The following CASZ1 variants were observed in gnomAD, a reference collection of about 807,000 sequenced individuals.
CASZ1 encodes the protein zinc finger protein castor homolog 1.
CASZ1 carries 28 observed loss-of-function variants against 135.2 expected under a neutral mutation model. That is an observed-to-expected ratio of 0.21 (90% CI 0.15 to 0.28). The LOEUF is 0.28. Among genes scored for constraint, CASZ1 ranks in the 10% least tolerant of loss-of-function variants. The pLI, the probability that CASZ1 is intolerant of heterozygous loss-of-function variation, is 1.00. For missense variants in CASZ1, 2,161 were observed against 2,453.3 expected (o/e 0.88, Z 2.52); for synonymous variants, 1,068 against 1,073.4 (o/e 0.99, Z 0.10).
At chr1:10,763,505 A>C (rs1174957781) in intron 1 of CASZ1, among the ~76,000 whole-genome samples, 2 of 152,198 alleles carry the variant, frequency 1.3e-5, no homozygotes, top group Non-Finnish European at 2.9e-5. Flanking sequence ...AGAAATGCCC[A>C]GAATCACCAC....
intron 4 of CASZ1, among the ~76,000 whole-genome samples, chr1:10,684,674 C>T (rs748120736): frequency 3.9e-5 from 6 of 152,178 alleles, no homozygotes; most frequent in Non-Finnish European, 5.9e-5. Context: ...GTCATCCTAT[C>T]GCGAGACACC....
rs750535732 is a variant in CASZ1, at chr1:10,660,421, C to G, written c.621G>C (p.Glu207Asp). 1.9e-6 allele frequency: 3 copies of G among 1,614,182 alleles called. No individual in the cohort carries two copies. The highest frequency in any genetic ancestry group is 2.5e-6 in the Non-Finnish European group (3 of 1,180,014). The change falls in exon 6 of 21, where the codon GAG becomes GAC. Residue 207 changes from glutamate to aspartate, a missense_variant. Glu to Asp is a conservative substitution (Grantham distance 45). This residue lies in a region of CASZ1 where 590 missense variants were observed against 609.8 expected (regional missense o/e 0.97). Coordinates refer to ENST00000377022, the MANE Select transcript of CASZ1 (RefSeq NM_001079843.3). Reference sequence around the variant, plus strand: ...CCGGGGTGGAGCCCGCGTGCAGCTTCTCAAAGCTGATCTTCCTGGCCAGCT... The same window carrying G: ...CCGGGGTGGAGCCCGCGTGCAGCTTGTCAAAGCTGATCTTCCTGGCCAGCT... ...RDELARKISF[E>D]KLHAGSTPEA...
chr1:10,639,000 G>A lies in CASZ1; in HGVS notation c.5222C>T (p.Ala1741Val). Residue 1741 changes from alanine (A) to valine (V), a missense_variant, in exon 21 of 21, where the codon GCG (alanine) becomes GTG (valine). Ala to Val is a moderately conservative substitution (Grantham distance 64). Coordinates refer to ENST00000377022, the MANE Select transcript of CASZ1 (RefSeq NM_001079843.3). This position sits in a 1 kb window ranked among gnomAD's most constrained non-coding sequence, Gnocchi z 5.9. ...AGAGARTPAL[A>V]ALAALGAPGP... ...GGGGGCGCCCAGGGCCGCCAGCGCC[G>A]CCAAGGCCGGGGTCCGCGCGCCCGC... The A allele has an allele frequency of 4.1e-6, 4 of 983,954 alleles. No individual in the cohort carries two copies. The highest frequency in any genetic ancestry group is 4.8e-6 in the Non-Finnish European group (4 of 830,174). 61.0% of individuals were successfully genotyped at this position (983,954 alleles called of 1,614,324 possible). A position where few individuals can be genotyped will look rare whatever the true frequency, so the allele number is the denominator to read the frequency against.
rs1046580915 is a variant in CASZ1 at position 10,767,170 on chromosome 1, C to T, written c.-233-6313G>A. Among the ~76,000 whole-genome samples, 7 of 151,766 alleles carry T rather than the reference C, an allele frequency of 4.6e-5. No homozygotes were observed. The highest frequency in any genetic ancestry group is 9.7e-5 in the African/African-American group (4 of 41,280). On this transcript the variant is annotated intron_variant, in intron 1 of 20. Transcript: ENST00000377022. This position sits in a 1 kb window ranked among gnomAD's most constrained non-coding sequence, Gnocchi z 4.2. ...CCTCATGAGTTCCTGATGGGAGGAA[C>T]GAGGAGTGGGGAAAAGATGGGGCCC... is the stretch of plus-strand genomic sequence containing the variant.
rs1642394844 is a variant in CASZ1 at position 10,647,431 on chromosome 1, C to T, written c.3497+370G>A. 1.3e-5 allele frequency: 15 copies of T among 1,150,576 alleles called. No individual in the cohort carries two copies. Among genetic ancestry groups the T allele is most frequent in the Non-Finnish European group, 1.6e-5 (15 of 928,266 alleles). 71.3% of individuals were successfully genotyped at this position (1,150,576 alleles called of 1,614,324 possible). A position where few individuals can be genotyped will look rare whatever the true frequency, so the allele number is the denominator to read the frequency against. ...CAGAGATTCAGCCATGGGTGTGAGC[C>T]ACAGAGGAGGCCAATACGGAGGCTC... is the stretch of plus-strand genomic sequence containing the variant. On this transcript the variant is annotated intron_variant, in intron 16 of 20. Transcript: ENST00000377022. This position sits in a 1 kb window ranked among gnomAD's most constrained non-coding sequence, Gnocchi z 4.9.
At chr1:10,643,419 C>T in intron 18 of CASZ1, 108 bp from the exon 19 acceptor site, 6 of 1,208,060 alleles carry the variant, frequency 5.0e-6, no homozygotes, top group Non-Finnish European at 7.0e-6. Flanking sequence ...GTCAGTAAGG[C>T]AGATGGTATC....
intron 2 of CASZ1, among the ~76,000 whole-genome samples, chr1:10,716,164 C>G (rs1238236494): frequency 2.0e-5 from 3 of 150,558 alleles, no homozygotes; most frequent in Non-Finnish European, 4.4e-5. Context: ...AATCCACAAC[C>G]CACAGCACCC....
intron 1 of CASZ1, among the ~76,000 whole-genome samples, chr1:10,775,633 A>G (rs967082005): frequency 1.3e-5 from 2 of 152,092 alleles, no homozygotes; most frequent in African/African-American, 4.8e-5. Context: ...GCCCCTTTCA[A>G]GGGGACGGGT....
intron 15 of CASZ1, 116 bp from the exon 16 acceptor site, chr1:10,648,255 C>T: frequency 1.4e-6 from 1 of 735,756 alleles, no homozygotes; most frequent in Non-Finnish European, 2.2e-6. Context: ...TCGTCCCCAT[C>T]ACTCAGCTCC....
At chr1:10,663,769 C>G (rs1454153292) in intron 5 of CASZ1, among the ~76,000 whole-genome samples, 1 of 152,228 alleles carries the variant, frequency 6.6e-6, no homozygotes, top group Non-Finnish European at 1.5e-5. Flanking sequence ...GCTGAGTAGG[C>G]AGTCCCAGTG....
chr1:10,794,230 G>T lies in CASZ1; in HGVS notation c.-234+2334C>A, dbSNP rs942877291. Among the ~76,000 whole-genome samples, 1 of 152,006 alleles carries T rather than the reference G, an allele frequency of 6.6e-6. No individual in the cohort carries two copies. Among genetic ancestry groups the T allele is most frequent in the East Asian group, 1.9e-4 (1 of 5,156 alleles). Reference sequence around the variant, plus strand: ...GCGCGCGCGTCGTGGGTTGGGCGGGGGGACACCAAGATTATCCGGCGATCT... The same window carrying T: ...GCGCGCGCGTCGTGGGTTGGGCGGGTGGACACCAAGATTATCCGGCGATCT... On this transcript the variant is annotated intron_variant, in intron 1 of 20. Transcript: ENST00000377022. This position sits in a 1 kb window ranked among gnomAD's most constrained non-coding sequence, Gnocchi z 5.6.
rs1470447236 is a variant in CASZ1, at chr1:10,788,261, G to C, written c.-234+8303C>G. Among the ~76,000 whole-genome samples the C allele has an allele frequency of 6.6e-6, 1 of 152,148 alleles. No homozygotes were observed. The highest frequency in any genetic ancestry group is 1.5e-5 in the Non-Finnish European group (1 of 68,032). ...TGGGGTTCCTCACAGAGCAACCTGA[G>C]TGCTAGCCCCGATCCACCTATGGGG... On this transcript the variant is annotated intron_variant, in intron 1 of 20. Transcript: ENST00000377022. The surrounding 1 kb of genome is among the most constrained non-coding windows in gnomAD (Gnocchi z 4.1).
chr1:10,640,464 T>C (rs1642164943), intron 20 of CASZ1, among the ~76,000 whole-genome samples: 1 of 152,190 alleles, frequency 6.6e-6, no homozygotes, highest in African/African-American at 2.4e-5. Flanking sequence ...ACGCCAGCTA[T>C]AGCTGCCTCT....
rs528469854 is a variant in CASZ1, at chr1:10,639,110, C to G, written c.5112G>C (p.Glu1704Asp). ...CGTCGTCGTCGTCCTCGTCGTCGTC[C>G]TCGTCGTCGTCGTCCTCGTCGTCGT... ...DEDDDEDDDDEDDDEDDDDED... is the reference protein window; with the variant it reads ...DEDDDEDDDDDDDDEDDDDED... The change falls in exon 21 of 21, where the codon GAG becomes GAC. Residue 1704 changes from glutamate (E) to aspartate (D), a missense_variant. Glu to Asp is a conservative substitution (Grantham distance 45, BLOSUM62 2). This residue lies in a region of CASZ1 where 185 missense variants were observed against 134.7 expected (regional missense o/e 1.37). Coordinates refer to ENST00000377022, the MANE Select transcript of CASZ1 (RefSeq NM_001079843.3). This position sits in a 1 kb window ranked among gnomAD's most constrained non-coding sequence, Gnocchi z 4.0. 6 of 1,149,654 alleles carry G rather than the reference C, an allele frequency of 5.2e-6. No individual in the cohort carries two copies. In the South Asian group the frequency reaches 6.2e-5, roughly 12 times the overall value. The allele number at this position is 1,149,654 out of a possible 1,614,324, so 71.2% of individuals were successfully genotyped here.
In CASZ1 at chr1:10,660,093, G is replaced by C. The variant is rs754613198; in HGVS notation, c.949C>G (p.Gln317Glu). ...ARASKYDFFI[Q>E]KLKTGENLRP... ...AGATTCTCGCCGGTCTTCAGTTTTT[G>C]GATGAAGAAGTCGTACTTGGAGGCC... Residue 317 changes from glutamine (Q) to glutamate (E), a missense_variant, in exon 6 of 21, where the codon CAA becomes GAA. Physicochemically the swap from Gln to Glu is conservative, Grantham distance 29 (BLOSUM62 2). Around this residue, in one of 7 missense-constraint regions of CASZ1, gnomAD observed 590 missense variants for 609.8 expected, o/e 0.97. Transcript: ENST00000377022. 1 of 1,614,152 alleles carries C rather than the reference G, an allele frequency of 6.2e-7. No individual in the cohort carries two copies. Among genetic ancestry groups the C allele is most frequent in the South Asian group, 1.1e-5 (1 of 91,082 alleles).
rs1295470801 is a variant in CASZ1 at position 10,726,815 on chromosome 1, C to A, written c.-76-21271G>T. Among the ~76,000 whole-genome samples, 3 of 152,122 alleles carry A rather than the reference C, an allele frequency of 2.0e-5. No individual in the cohort carries two copies. The highest frequency in any genetic ancestry group is 4.4e-5 in the Non-Finnish European group (3 of 68,004). On this transcript the variant is annotated intron_variant, in intron 2 of 20. Transcript: ENST00000377022. The surrounding 1 kb of genome is among the most constrained non-coding windows in gnomAD (Gnocchi z 5.7). Reference sequence around the variant, plus strand: ...GCCCTGAAGAGAGGCCAGGGAGAGGCTAGCATGGGGGTGTTCAGAGGCCCA... The same window carrying A: ...GCCCTGAAGAGAGGCCAGGGAGAGGATAGCATGGGGGTGTTCAGAGGCCCA...
Position 10,639,712 on chromosome 1 carries a change from C to A in CASZ1, c.4510G>T (p.Ala1504Ser). Residue 1504 changes from alanine to serine, a missense_variant, in exon 21 of 21, where the codon GCC becomes TCC. Ala to Ser is a moderately conservative substitution (Grantham distance 99). Coordinates refer to ENST00000377022, the MANE Select transcript of CASZ1 (RefSeq NM_001079843.3). This position sits in a 1 kb window ranked among gnomAD's most constrained non-coding sequence, Gnocchi z 4.0. Reference sequence around the variant, plus strand: ...CTGGTGCCCGAGAAGGGGCAGTCGGCGAAGTGGCAGCTGAGTGAGGCCTTG... The same window carrying A: ...CTGGTGCCCGAGAAGGGGCAGTCGGAGAAGTGGCAGCTGAGTGAGGCCTTG... ...RFKASLSCHF[A>S]DCPFSGTSTH... 6.3e-7 allele frequency: 1 copy of A among 1,593,256 alleles called. No individual in the cohort carries two copies. Among genetic ancestry groups the A allele is most frequent in the Non-Finnish European group, 8.5e-7 (1 of 1,170,970 alleles).
In CASZ1 at chr1:10,727,457, G is replaced by A. The variant is rs1230695789; in HGVS notation, c.-76-21913C>T. On this transcript the variant is annotated intron_variant, in intron 2 of 20. Coordinates refer to ENST00000377022, the MANE Select transcript of CASZ1 (RefSeq NM_001079843.3). This position sits in a 1 kb window ranked among gnomAD's most constrained non-coding sequence, Gnocchi z 5.3. ...AAACACCCCAGCTCCTTGAACCCCCGGGCCCAGGGGATTCAGCACAGCCCA... is the reference window on the plus strand; with the variant it reads ...AAACACCCCAGCTCCTTGAACCCCCAGGCCCAGGGGATTCAGCACAGCCCA... 4.6e-5 allele frequency among the ~76,000 whole-genome samples: 7 copies of A among 150,838 alleles called. No individual in the cohort carries two copies. The highest frequency in any genetic ancestry group is 7.0e-3 in the Middle Eastern group (2 of 284).
In CASZ1 at chr1:10,645,626, C is replaced by T. The variant is rs554455265; in HGVS notation, c.3696+502G>A. Among the ~76,000 whole-genome samples the T allele has an allele frequency of 4.6e-5, 7 of 152,308 alleles. No homozygotes were observed. In the East Asian group the frequency reaches 7.7e-4, roughly 17 times the overall value. On this transcript the variant is annotated intron_variant, in intron 17 of 20. Coordinates refer to ENST00000377022, the MANE Select transcript of CASZ1 (RefSeq NM_001079843.3). ...AATCCCATACCTAGAGCAGACATCG[C>T]GAATCTATTTTAACACTCTTCCCTG...
Sources: allele counts gnomAD v4.1 joint callset (sites outside exome capture counted in the v4.1 genomes callset), GRCh38; gene constraint gnomAD v4.1.1; regional missense constraint gnomAD v4.1.1; non-coding constraint Gnocchi (gnomAD v3.1); transcripts MANE v1.5; gene names NCBI Gene and HGNC (gene_info 2026-07-23, HGNC 2026-07-21).